SLC28A3: variants seen among roughly 807,000 people sequenced by gnomAD.
SLC28A3 encodes solute carrier family 28 member 3, also known as concentrative Na(+)-nucleoside cotransporter 3.
SLC28A3 carries 68 observed loss-of-function variants against 84.2 expected under a neutral mutation model. That is an observed-to-expected ratio of 0.81 (90% CI 0.66 to 0.99). The LOEUF is 0.99. Ranked by LOEUF, SLC28A3 falls within the 50% of genes least tolerant of loss-of-function variation. The probability of loss-of-function intolerance (pLI) is 0.00; values close to 1 mark genes in which losing one functional copy is unlikely to be tolerated. For synonymous variants in SLC28A3, 267 were observed against 303.6 expected (o/e 0.88, Z 1.25); for missense variants, 712 against 841.5 (o/e 0.85, Z 1.90).
intron 1 of SLC28A3, among the ~76,000 whole-genome samples, chr9:84,315,098 A>G (rs1826126017): frequency 6.6e-6 from 1 of 151,424 alleles, no homozygotes; most frequent in Non-Finnish European, 1.5e-5. Context: ...ACAAACAAAC[A>G]GCATGAAAAG....
chr9:84,361,209 G>GT, the SLC28A3 span, among the ~76,000 whole-genome samples: 2 of 152,090 alleles, frequency 1.3e-5, no homozygotes, highest in Admixed American at 1.3e-4. Flanking sequence ...GCCGGGTGTG[G>GT]TTGTGGGCGC....
At chr9:84,309,518 T>G in intron 3 of SLC28A3, 111 bp downstream of exon 3, 1 of 691,974 alleles carries the variant, frequency 1.4e-6, no homozygotes, top group Non-Finnish European at 2.1e-6. Context: ...GTGAGACTCT[T>G]ATCTCAAAAA....
At chr9:84,331,713 A>G (rs1826797356) in intron 1 of SLC28A3, among the ~76,000 whole-genome samples, 2 of 152,194 alleles carry the variant, frequency 1.3e-5, no homozygotes, top group African/African-American at 4.8e-5. Flanking sequence ...GCTTATTCAC[A>G]GGGAGGAGGA....
At chr9:84,321,459 C>T (rs933613971) in intron 1 of SLC28A3, among the ~76,000 whole-genome samples, 32 of 152,002 alleles carry the variant, frequency 2.1e-4, no homozygotes, top group Middle Eastern at 3.4e-3. Flanking sequence ...ATAGGCGGGG[C>T]GCAGTGGCTC....
At chr9:84,282,607 C>A (rs546548162) in intron 14 of SLC28A3, among the ~76,000 whole-genome samples, 1 of 152,112 alleles carries the variant, frequency 6.6e-6, no homozygotes, top group Non-Finnish European at 1.5e-5. Context: ...AAAGCAAGGG[C>A]GTGGCCCTGT....
chr9:84,338,288 G>A (rs907638995), intron 1 of SLC28A3, among the ~76,000 whole-genome samples: 4 of 152,152 alleles, frequency 2.6e-5, no homozygotes, highest in South Asian at 2.1e-4. Context: ...TTAATAATGC[G>A]AGTGAAGTAG....
At chr9:84,307,430 C>CAAAAAAAAAAA (rs773007559) in intron 3 of SLC28A3, among the ~76,000 whole-genome samples, 2 of 40,766 alleles carry the variant, frequency 4.9e-5, no homozygotes, top group East Asian at 8.3e-4. Context: ...GACTCCATCT[C>CAAAAAAAAAAA]AAAAAAAAAA....
chr9:84,351,973 G>A, the SLC28A3 span, among the ~76,000 whole-genome samples: 34 of 151,586 alleles, frequency 2.2e-4, no homozygotes, highest in African/African-American at 8.0e-4. Flanking sequence ...TGTAATGAGA[G>A]TTTTTTGCAT....
chr9:84,288,221 TTTC>T, intron 11 of SLC28A3, 43 bp from the exon 12 acceptor site: 2 of 1,611,926 alleles, frequency 1.2e-6, no homozygotes, highest in Admixed American at 3.3e-5. Flanking sequence ...GATTAGCTTT[TTTC>T]TTGTGTTCAG....
chr9:84,354,950 G>A, the SLC28A3 span, among the ~76,000 whole-genome samples: 1 of 152,068 alleles, frequency 6.6e-6, no homozygotes, highest in Non-Finnish European at 1.5e-5. Context: ...ATAAGGAATT[G>A]CATTCAGGGT....
In SLC28A3 at chr9:84,299,574, T is replaced by A. The variant is rs768568773; in HGVS notation, c.669+7A>T. The A allele has an allele frequency of 1.2e-6, 2 of 1,613,756 alleles. No homozygotes were observed. The highest frequency in any genetic ancestry group is 3.3e-5 in the Admixed American group (2 of 59,944). ...AAAAGAACCTAAAAGATCAACTGGA[T>A]ACTTACTCTGGTTGGGTACTTGGAA... On this transcript the variant is annotated splice_region_variant and intron_variant, in intron 6 of 17. Coordinates refer to ENST00000376238, the MANE Select transcript of SLC28A3 (RefSeq NM_001199633.2).
At chr9:84,307,714 G>A (rs1023718114) in intron 3 of SLC28A3, among the ~76,000 whole-genome samples, 6 of 152,212 alleles carry the variant, frequency 3.9e-5, no homozygotes, top group Non-Finnish European at 8.8e-5. Flanking sequence ...GCAGCAGAGG[G>A]TGACATTTAA....
chr9:84,278,847 A>G (rs557180910), intron 17 of SLC28A3, among the ~76,000 whole-genome samples: 1 of 151,540 alleles, frequency 6.6e-6, no homozygotes, highest in East Asian at 2.0e-4. Flanking sequence ...TGGAGTAGAC[A>G]TAGCTTCCCT....
intron 1 of SLC28A3, among the ~76,000 whole-genome samples, chr9:84,337,022 G>T (rs113664798): frequency 1.3e-5 from 2 of 152,308 alleles, no homozygotes; most frequent in African/African-American, 4.8e-5. Flanking sequence ...GCTGGGTGTT[G>T]TGGCTCATGA....
At chr9:84,360,550 C>G in the SLC28A3 span, among the ~76,000 whole-genome samples, 1 of 151,714 alleles carries the variant, frequency 6.6e-6, no homozygotes, top group Admixed American at 6.6e-5. Flanking sequence ...GTAGAGTGAA[C>G]AAGAGAAAAA....
rs565646837 is a variant in SLC28A3 at position 84,314,835 on chromosome 9, T to C, written c.61-1381A>G. Among the ~76,000 whole-genome samples the C allele has an allele frequency of 5.3e-5, 8 of 152,318 alleles. 1 individual carries two copies. The South Asian group carries it at 1.7e-3, about 32-fold the overall frequency. ...GGCTGACGCCCGTAATCCCAGCACTTTGGGAGGCCAAGGTGGGCGGATCAC... is the reference window on the plus strand; with the variant it reads ...GGCTGACGCCCGTAATCCCAGCACTCTGGGAGGCCAAGGTGGGCGGATCAC... On this transcript the variant is annotated intron_variant, in intron 1 of 17. Coordinates refer to ENST00000376238, the MANE Select transcript of SLC28A3 (RefSeq NM_001199633.2).
intron 1 of SLC28A3, among the ~76,000 whole-genome samples, chr9:84,319,039 C>G (rs1826271982): frequency 6.6e-6 from 1 of 152,014 alleles, no homozygotes; most frequent in Non-Finnish European, 1.5e-5. Flanking sequence ...GATTATGATT[C>G]TAGAACAAAT....
chr9:84,340,778 T>C, upstream of SLC28A3: 2 of 718,900 alleles, frequency 2.8e-6, no homozygotes, highest in Non-Finnish European at 4.5e-6. Context: ...TGCAATAATC[T>C]CCTGAATGAC....
chr9:84,334,881 G>A (rs759778468), intron 1 of SLC28A3, among the ~76,000 whole-genome samples: 4 of 151,984 alleles, frequency 2.6e-5, no homozygotes, highest in Admixed American at 2.0e-4. Flanking sequence ...CTGTCCTTTC[G>A]GAGTCTTTTC....
Sources: allele counts gnomAD v4.1 joint callset (sites outside exome capture counted in the v4.1 genomes callset), GRCh38; gene constraint gnomAD v4.1.1; transcripts MANE v1.5; gene names NCBI Gene and HGNC (gene_info 2026-07-23, HGNC 2026-07-21).